Variants in PGAP3 observed in about 807,000 individuals in gnomAD.
The protein encoded by PGAP3 is post-GPI attachment to proteins phospholipase 3, also known as GPI-specific phospholipase A2-like PGAP3.
A neutral mutation model predicts 40.3 loss-of-function variants in PGAP3; 31 were observed. The ratio of observed to expected loss-of-function variants is 0.77; its 90% CI spans 0.58 to 1.04. The LOEUF is 1.04. PGAP3 is among the 50% of genes least tolerant of loss of function. PGAP3 has a pLI of 0.00. For missense variants in PGAP3, 413 were observed against 423.0 expected, an observed-to-expected ratio of 0.98 and a Z score of 0.21; for synonymous variants, 191 against 184.5, an observed-to-expected ratio of 1.04 and a Z score of -0.29.
At chr17:39,675,645 G>GCC (rs944973827) in intron 3 of PGAP3, among the ~76,000 whole-genome samples, 2 of 152,218 alleles carry the variant, frequency 1.3e-5, no homozygotes, top group Non-Finnish European at 2.9e-5. Context: ...AACTGGCCAG[G>GCC]CAGGGGACAG....
chr17:39,684,296 C>T (rs908336764), intron 3 of PGAP3, among the ~76,000 whole-genome samples: 1 of 152,170 alleles, frequency 6.6e-6, no homozygotes, highest in African/African-American at 2.4e-5. Flanking sequence ...CATCTCCCCT[C>T]TGTGTTTGTA....
At chr17:39,675,531 C>T (rs1302120710) in intron 3 of PGAP3, among the ~76,000 whole-genome samples, 1 of 152,014 alleles carries the variant, frequency 6.6e-6, no homozygotes, top group Non-Finnish European at 1.5e-5. Context: ...GCAGGCCAGG[C>T]CGGGAATGGC....
chr17:39,677,834 A>T (rs1597818233), intron 3 of PGAP3, among the ~76,000 whole-genome samples: 1 of 152,370 alleles, frequency 6.6e-6, no homozygotes, highest in South Asian at 2.1e-4. Context: ...AGTGAGCCAG[A>T]TCTGTCAGGA....
At chr17:39,673,805 A>C (rs980531758) in intron 5 of PGAP3, 155 bp from the exon 6 acceptor site, 4 of 1,241,270 alleles carry the variant, frequency 3.2e-6, no homozygotes, top group Non-Finnish European at 4.5e-6. Flanking sequence ...CAAGTGCTAC[A>C]GCTCCTTGTC....
In PGAP3 at chr17:39,684,676, C is replaced by T; in HGVS notation, c.353G>A (p.Ser118Asn). Residue 118 changes from serine (S) to asparagine (N), a missense_variant, in exon 3 of 8, where the codon AGC becomes AAC. By Grantham distance (46) the Ser-to-Asn change is conservative (BLOSUM62 1). Coordinates refer to ENST00000300658, the MANE Select transcript of PGAP3 (RefSeq NM_033419.5). Reference protein sequence around the residue: ...AVASFLNGLASLVMLCRYRTF... With the variant: ...AVASFLNGLANLVMLCRYRTF... ...GCGGTAGCGGCAGAGCATCACCAGG[C>T]TGGCCAGGCCATTGAGAAACGAGGC... is the stretch of plus-strand genomic sequence containing the variant. The T allele has an allele frequency of 6.2e-7, 1 of 1,614,052 alleles. No homozygotes were observed. Among genetic ancestry groups the T allele is most frequent in the Non-Finnish European group, 8.5e-7 (1 of 1,179,950 alleles).
At chr17:39,685,524 A>G (rs1397640106) in intron 2 of PGAP3, among the ~76,000 whole-genome samples, 1 of 151,906 alleles carries the variant, frequency 6.6e-6, no homozygotes, top group Non-Finnish European at 1.5e-5. Context: ...AAACAAAAGA[A>G]AGAAAGGTAC....
chr17:39,681,291 C>T (rs1028289232), intron 3 of PGAP3, among the ~76,000 whole-genome samples: 1 of 152,104 alleles, frequency 6.6e-6, no homozygotes, highest in Non-Finnish European at 1.5e-5. Context: ...GAGCCAGATG[C>T]CTGAATTCAA....
intron 4 of PGAP3, 136 bp downstream of exon 4, chr17:39,674,481 G>C: frequency 1.1e-6 from 1 of 928,060 alleles, no homozygotes. Context: ...GGCACCAACA[G>C]GTTTAGGATG....
intron 5 of PGAP3, 77 bp from the exon 6 acceptor site, chr17:39,673,727 C>T (rs888432732): frequency 1.1e-5 from 17 of 1,577,440 alleles, no homozygotes; most frequent in Non-Finnish European, 1.3e-5. Context: ...ATCTCCTCCC[C>T]CCAACATTGG....
intron 4 of PGAP3, among the ~76,000 whole-genome samples, chr17:39,674,367 G>A (rs370301793): frequency 2.0e-5 from 3 of 152,286 alleles, no homozygotes; most frequent in East Asian, 3.9e-4. Flanking sequence ...TTCACTGGCT[G>A]GGTGCCCCTA....
chr17:39,674,313 AGTG>A (rs1229525385), intron 4 of PGAP3, among the ~76,000 whole-genome samples: 1 of 152,180 alleles, frequency 6.6e-6, no homozygotes, highest in Non-Finnish European at 1.5e-5. Context: ...TTCAGAGCAC[AGTG>A]TGGAGTCTGA....
chr17:39,673,237 C>G lies in PGAP3; in HGVS notation c.713G>C (p.Trp238Ser). The G allele has an allele frequency of 6.4e-7, 1 of 1,561,568 alleles. No individual in the cohort carries two copies. Among genetic ancestry groups the G allele is most frequent in the South Asian group, 1.2e-5 (1 of 85,386 alleles). The change falls in exon 7 of 8, where the codon TGG (tryptophan) becomes TCG (serine). Residue 238 changes from tryptophan (W) to serine (S), a missense_variant. Physicochemically the swap from Trp to Ser is radical, Grantham distance 177 (BLOSUM62 -3). Coordinates refer to ENST00000300658, the MANE Select transcript of PGAP3 (RefSeq NM_033419.5). ...GTTCCACAGGCACCAGGCCAGCCACCACACCACGTTGACCAGGCCTGGGTG... is the reference window on the plus strand; with the variant it reads ...GTTCCACAGGCACCAGGCCAGCCACGACACCACGTTGACCAGGCCTGGGTG... ...NVAIGLVNVV[W>S]WLAWCLWNQR...
intron 1 of PGAP3, 28 bp from the exon 2 acceptor site, chr17:39,686,047 A>T (rs2057508313): frequency 6.3e-7 from 1 of 1,584,976 alleles, no homozygotes; most frequent in Admixed American, 1.7e-5. Flanking sequence ...GGCCTGGTGA[A>T]CTCCCCAGCA....
Position 39,687,835 on chromosome 17 carries a change from T to C in PGAP3, c.180A>G (p.Ala60=), listed in dbSNP as rs535183604. 46 of 1,472,830 alleles carry C rather than the reference T, an allele frequency of 3.1e-5. No homozygotes were observed. In the South Asian group the frequency reaches 4.7e-4, roughly 15 times the overall value. 91.2% of individuals were successfully genotyped at this position (1,472,830 alleles called of 1,614,324 possible). A position where few individuals can be genotyped will look rare whatever the true frequency, so the allele number is the denominator to read the frequency against. ...GCTTACCGTGGGGGTGGGGCTTACC[T>C]GCTAGACTCATGTAGATTGGCTGGC... The part of the protein sequence containing the change: ...RSRQPIYMSL[A]GWTCRDDCKY... The change falls in exon 1 of 8, where the codon GCA becomes GCG. Residue 60 remains alanine (A), a splice_region_variant and synonymous_variant. Coordinates refer to ENST00000300658, the MANE Select transcript of PGAP3 (RefSeq NM_033419.5).
At chr17:39,685,491 C>CAAA (rs35388872) in intron 2 of PGAP3, among the ~76,000 whole-genome samples, 1 of 136,580 alleles carries the variant, frequency 7.3e-6, no homozygotes, top group South Asian at 2.3e-4. Context: ...GACTCCATCT[C>CAAA]AAAAAAAAAA....
intron 4 of PGAP3, 86 bp from the exon 5 acceptor site, chr17:39,674,140 G>T: frequency 7.3e-7 from 1 of 1,369,298 alleles, no homozygotes; most frequent in Non-Finnish European, 1.0e-6. Flanking sequence ...GAGTGGCAGA[G>T]AGGGGCCGGG....
intron 6 of PGAP3, 62 bp from the exon 7 acceptor site, chr17:39,673,317 C>A (rs903504): frequency 1.8e-5 from 28 of 1,558,890 alleles, no homozygotes; most frequent in East Asian, 4.7e-5. Flanking sequence ...AAGGCCACCC[C>A]CAACTCCATG....
chr17:39,681,372 A>T (rs1250117089), intron 3 of PGAP3, among the ~76,000 whole-genome samples: 1 of 152,100 alleles, frequency 6.6e-6, no homozygotes, highest in Non-Finnish European at 1.5e-5. Flanking sequence ...TAAACTGGGG[A>T]TGAGAATAAT....
intron 3 of PGAP3, among the ~76,000 whole-genome samples, chr17:39,680,426 A>AGG (rs144876094): frequency 0.022 from 3,322 of 152,262 alleles, 120 homozygotes; most frequent in African/African-American, 0.075. Flanking sequence ...GTTGTTGAAT[A>AGG]GGAAGTATTA....
Sources: allele counts gnomAD v4.1 joint callset (sites outside exome capture counted in the v4.1 genomes callset), GRCh38; gene constraint gnomAD v4.1.1; transcripts MANE v1.5; gene names NCBI Gene and HGNC (gene_info 2026-07-23, HGNC 2026-07-21).